The following ASB4 variants were observed in gnomAD, a reference collection of about 807,000 sequenced individuals.
The protein encoded by ASB4 is ankyrin repeat and SOCS box containing 4.
Under a neutral mutation model 38.6 loss-of-function variants are expected in ASB4, and 35 were observed. That is an observed-to-expected ratio of 0.91 (90% CI 0.69 to 1.20). The LOEUF is 1.20. Among genes scored for constraint, ASB4 ranks in the 50% most tolerant of loss-of-function variants. The pLI is 0.00. For missense variants in ASB4, 557 were observed against 527.2 expected (o/e 1.06, Z -0.55); for synonymous variants, 195 against 201.3 (o/e 0.97, Z 0.26).
At chr7:95,548,047 CA>C in the ASB4 span, among the ~76,000 whole-genome samples, 303 of 152,274 alleles carry the variant, frequency 2.0e-3, 9 homozygotes, top group East Asian at 0.051. Context: ...CACTCTTGTT[CA>C]AATCTTTTTT....
intron 1 of ASB4, among the ~76,000 whole-genome samples, chr7:95,490,375 A>G (rs1252428561): frequency 6.6e-6 from 1 of 151,978 alleles, no homozygotes; most frequent in South Asian, 2.1e-4. Context: ...TACATTTTAC[A>G]CTTCAAACTT....
intron 4 of ASB4, among the ~76,000 whole-genome samples, 195 bp from the exon 5 acceptor site, chr7:95,537,376 T>C (rs1790902415): frequency 6.6e-6 from 1 of 152,222 alleles, no homozygotes; most frequent in Non-Finnish European, 1.5e-5. Flanking sequence ...TTGTAGAATG[T>C]TATTTCCCCT....
At chr7:95,511,140 T>C (rs532974954) in intron 2 of ASB4, among the ~76,000 whole-genome samples, 29 of 152,256 alleles carry the variant, frequency 1.9e-4, no homozygotes, top group Admixed American at 1.4e-3. Context: ...ATGCTAAGAA[T>C]CAAGCACATG....
chr7:95,493,374 G>A (rs1159517613), intron 1 of ASB4, among the ~76,000 whole-genome samples: 6 of 114,160 alleles, frequency 5.3e-5, no homozygotes, highest in African/African-American at 1.9e-4. Flanking sequence ...GTGTGTGTGT[G>A]TGTGTGTGTG....
chr7:95,527,790 T>C, intron 2 of ASB4, 23 bp from the exon 3 acceptor site: 1 of 1,568,718 alleles, frequency 6.4e-7, no homozygotes, highest in Non-Finnish European at 8.7e-7. Flanking sequence ...TAAATAATTG[T>C]CTTCCTCAAT....
intron 1 of ASB4, 119 bp downstream of exon 1, chr7:95,486,277 A>G: frequency 1.4e-6 from 1 of 734,630 alleles, no homozygotes; most frequent in Non-Finnish European, 2.1e-6. Context: ...CATTTAAAAA[A>G]TATTTCTAAA....
downstream of ASB4, chr7:95,542,964 C>T (rs963555246): frequency 2.0e-5 from 3 of 152,132 alleles, no homozygotes; most frequent in African/African-American, 7.2e-5. Flanking sequence ...GACAAAACAG[C>T]TATCATGCTG....
upstream of ASB4, among the ~76,000 whole-genome samples, chr7:95,484,125 G>GAT (rs141143935): frequency 1.5e-4 from 23 of 151,580 alleles, no homozygotes; most frequent in African/African-American, 5.3e-4. Flanking sequence ...CTTAGGAGTC[G>GAT]GAGATCAGCC....
At chr7:95,523,406 A>G (rs1790689871) in intron 2 of ASB4, among the ~76,000 whole-genome samples, 1 of 152,250 alleles carries the variant, frequency 6.6e-6, no homozygotes, top group Non-Finnish European at 1.5e-5. Flanking sequence ...TAAAGAGACA[A>G]TGAACTAAAT....
At chr7:95,531,067 C>T (rs1046753904) in intron 3 of ASB4, among the ~76,000 whole-genome samples, 5 of 152,166 alleles carry the variant, frequency 3.3e-5, no homozygotes, top group African/African-American at 1.2e-4. Flanking sequence ...CAGACTCAGT[C>T]CTTCCCCAGA....
chr7:95,501,773 G>A (rs1790341587), intron 2 of ASB4, among the ~76,000 whole-genome samples: 2 of 152,102 alleles, frequency 1.3e-5, no homozygotes, highest in Non-Finnish European at 2.9e-5. Flanking sequence ...TGTCAACAGA[G>A]GGAGACTACC....
chr7:95,536,420 C>G lies in ASB4; in HGVS notation c.979-17C>G. 6.6e-7 allele frequency: 1 copy of G among 1,517,106 alleles called. No individual in the cohort carries two copies. The highest frequency in any genetic ancestry group is 9.1e-7 in the Non-Finnish European group (1 of 1,093,502). 94.0% of individuals were successfully genotyped at this position (1,517,106 alleles called of 1,614,324 possible). ...ATATGTGCATCAAACAGATGAAACT[C>G]TGTGCTTCCTCTGCAGGTGATACAG... On this transcript the variant is annotated splice_polypyrimidine_tract_variant and intron_variant, in intron 3 of 4. Coordinates refer to ENST00000325885, the MANE Select transcript of ASB4 (RefSeq NM_016116.3).
At chr7:95,535,806 A>T (rs1350981349) in intron 3 of ASB4, among the ~76,000 whole-genome samples, 3 of 152,202 alleles carry the variant, frequency 2.0e-5, no homozygotes, top group Non-Finnish European at 2.9e-5. Context: ...TTAGTACATG[A>T]CACCAGCCCT....
intron 2 of ASB4, among the ~76,000 whole-genome samples, chr7:95,505,285 C>G (rs1790391756): frequency 6.6e-6 from 1 of 151,996 alleles, no homozygotes; most frequent in Admixed American, 6.6e-5. Flanking sequence ...GATCAATATA[C>G]AAAAATCAAT....
intron 2 of ASB4, among the ~76,000 whole-genome samples, chr7:95,498,921 G>T (rs1222137878): frequency 6.6e-6 from 1 of 152,054 alleles, no homozygotes; most frequent in African/African-American, 2.4e-5. Flanking sequence ...CCATCAAACT[G>T]CCTTAGTATT....
chr7:95,540,852 G>A (rs900897389), downstream of ASB4, among the ~76,000 whole-genome samples: 3 of 152,112 alleles, frequency 2.0e-5, no homozygotes, highest in Non-Finnish European at 2.9e-5. Flanking sequence ...CACAGTAGTC[G>A]AACGATGATT....
intron 3 of ASB4, chr7:95,528,614 T>A: frequency 7.5e-7 from 1 of 1,327,578 alleles, no homozygotes; most frequent in East Asian, 2.8e-5. Context: ...AGGTGAATAG[T>A]GTTAGACAGG....
the ASB4 span, among the ~76,000 whole-genome samples, chr7:95,548,799 T>C: frequency 2.0e-5 from 3 of 152,250 alleles, no homozygotes; most frequent in East Asian, 1.9e-4. Flanking sequence ...TTAACTCTTA[T>C]TTATAGCAAA....
chr7:95,474,195 T>G (rs1215093966), upstream of ASB4, among the ~76,000 whole-genome samples: 1 of 152,232 alleles, frequency 6.6e-6, no homozygotes, highest in Non-Finnish European at 1.5e-5. Flanking sequence ...TGTGCTGAAC[T>G]TTAGTCTTTT....
Sources: allele counts gnomAD v4.1 joint callset (sites outside exome capture counted in the v4.1 genomes callset), GRCh38; gene constraint gnomAD v4.1.1; transcripts MANE v1.5; gene names NCBI Gene and HGNC (gene_info 2026-07-23, HGNC 2026-07-21).